The following PRH1 variants were observed in gnomAD, a reference collection of about 807,000 sequenced individuals.
PRH1 encodes proline rich protein HaeIII subfamily 1, also known as salivary acidic proline-rich phosphoprotein 1/2.
PRH1 carries 7 observed loss-of-function variants against 7.9 expected under a neutral mutation model. The ratio of observed to expected loss-of-function variants is 0.89; its 90% confidence interval spans 0.50 to 1.67. PRH1 has a LOEUF of 1.67. PRH1 is among the 40% of genes most tolerant of loss of function. The pLI is 0.00. For synonymous variants in PRH1, 45 were observed against 80.8 expected, an observed-to-expected ratio of 0.56 and a Z score of 2.38; for missense variants, 109 against 223.6, an observed-to-expected ratio of 0.49 and a Z score of 3.27.
chr12:10,954,176 C>T (rs1937834277), intron 2 of PRH1, among the ~76,000 whole-genome samples: 1 of 152,086 alleles, frequency 6.6e-6, no homozygotes, highest in African/African-American at 2.4e-5. Context: ...GGCCATAGAC[C>T]AGTATACTAT....
Position 11,112,247 on chromosome 12 carries a change from T to C in PRH1, n.123+59175A>G, listed in dbSNP as rs565100656. On this transcript the variant is annotated intron_variant and non_coding_transcript_variant, in intron 1 of 4. Coordinates refer to the PRH1 transcript ENST00000541977. Reference sequence around the variant, plus strand: ...GTACAAAGAGGAGATGGTACCATTCTTTCTGAAACTATTCAAAACACTGGA... The same window carrying C: ...GTACAAAGAGGAGATGGTACCATTCCTTCTGAAACTATTCAAAACACTGGA... 3.3e-5 allele frequency among the ~76,000 whole-genome samples: 5 copies of C among 152,254 alleles called. No individual in the cohort carries two copies. In the East Asian group the frequency reaches 5.8e-4, roughly 18 times the overall value.
upstream of PRH1, among the ~76,000 whole-genome samples, chr12:10,886,470 G>A (rs969681796): frequency 2.0e-5 from 3 of 152,156 alleles, no homozygotes; most frequent in African/African-American, 7.2e-5. Context: ...AGAGACTAGT[G>A]TATCAGGAAA....
chr12:11,031,748 C>A (rs77847958), intron 1 of PRH1, among the ~76,000 whole-genome samples: 1 of 152,044 alleles, frequency 6.6e-6, no homozygotes, highest in Non-Finnish European at 1.5e-5. Context: ...AGCTACAGAG[C>A]GCTGATTGCT....
At position 11,073,312 on chromosome 12, in the gene PRH1, A is replaced by G. The variant is rs797000815; in HGVS notation, n.124-26124T>C. 2.4e-4 allele frequency among the ~76,000 whole-genome samples: 21 copies of G among 87,456 alleles called. 2 individuals carry two copies. The highest frequency in any genetic ancestry group is 7.5e-4 in the African/African-American group (20 of 26,536). The allele number at this position is 87,456 out of a possible 152,430, so 57.4% of individuals were successfully genotyped here. A position where few individuals can be genotyped will look rare whatever the true frequency, so the allele number is the denominator to read the frequency against. On this transcript the variant is annotated intron_variant and non_coding_transcript_variant, in intron 1 of 4. Coordinates refer to the PRH1 transcript ENST00000541977. ...ATGCCTGGCAATTTTTTTTTTTTTT[A>G]AAGTAGAGACCTGGTTTCACCATGT...
intron 1 of PRH1, among the ~76,000 whole-genome samples, chr12:10,991,366 A>T (rs1939923230): frequency 6.6e-6 from 1 of 152,064 alleles, no homozygotes; most frequent in South Asian, 2.1e-4. Flanking sequence ...TACTTATATC[A>T]TTTTTTTCTA....
chr12:11,139,620 T>C (rs1565695590), intron 1 of PRH1, among the ~76,000 whole-genome samples: 1 of 152,240 alleles, frequency 6.6e-6, no homozygotes, highest in Non-Finnish European at 1.5e-5. Flanking sequence ...GTCTTCTTTG[T>C]TAATTTTGAT....
chr12:10,954,587 C>A (rs950113110), intron 2 of PRH1, among the ~76,000 whole-genome samples: 6 of 152,204 alleles, frequency 3.9e-5, no homozygotes, highest in African/African-American at 1.4e-4. Context: ...CCCAACTCAG[C>A]CTTGCAAGTA....
intron 2 of PRH1, among the ~76,000 whole-genome samples, chr12:10,965,599 G>A (rs946220081): frequency 1.3e-5 from 2 of 152,206 alleles, no homozygotes; most frequent in Non-Finnish European, 2.9e-5. Flanking sequence ...TTCATTCAAT[G>A]TCTGTTCTTG....
intron 2 of PRH1, among the ~76,000 whole-genome samples, chr12:10,934,887 CTTA>C (rs1442579029): frequency 1.3e-5 from 2 of 152,076 alleles, no homozygotes; most frequent in African/African-American, 4.8e-5. Flanking sequence ...TCACAATTTG[CTTA>C]TTAATTTTAA....
chr12:10,988,202 T>A (rs138673296), intron 1 of PRH1, among the ~76,000 whole-genome samples: 177 of 152,218 alleles, frequency 1.2e-3, no homozygotes, highest in African/African-American at 4.0e-3. Flanking sequence ...TCCAAAGATA[T>A]ATGAGATAAA....
chr12:11,171,321 C>T, intron 1 of PRH1: 2 of 1,217,566 alleles, frequency 1.6e-6, no homozygotes, highest in Middle Eastern at 3.1e-4. Flanking sequence ...CGGCAACCCT[C>T]GCTACAGACG....
chr12:11,161,082 C>T (rs1469076827), intron 1 of PRH1, among the ~76,000 whole-genome samples: 3 of 152,092 alleles, frequency 2.0e-5, no homozygotes, highest in African/African-American at 7.2e-5. Flanking sequence ...TACTTCCAGG[C>T]CCGTCCCATA....
At chr12:11,084,388 C>A (rs79923550) in intron 1 of PRH1, among the ~76,000 whole-genome samples, 25 of 144,796 alleles carry the variant, frequency 1.7e-4, no homozygotes, top group Non-Finnish European at 2.1e-4. Flanking sequence ...CACTGATGGA[C>A]ATTTGATAGA....
intron 1 of PRH1, among the ~76,000 whole-genome samples, chr12:11,161,457 A>G (rs892530850): frequency 1.3e-5 from 2 of 152,186 alleles, no homozygotes; most frequent in Non-Finnish European, 2.9e-5. Flanking sequence ...AAACTTTTTA[A>G]AAACATTATA....
At chr12:11,038,966 T>C (rs1439725516) in intron 1 of PRH1, among the ~76,000 whole-genome samples, 1 of 152,250 alleles carries the variant, frequency 6.6e-6, no homozygotes, top group Non-Finnish European at 1.5e-5. Context: ...ATACTGGAGA[T>C]ATTTCCTTTA....
intron 1 of PRH1, among the ~76,000 whole-genome samples, chr12:11,144,691 G>A (rs1357463746): frequency 1.3e-5 from 2 of 152,144 alleles, no homozygotes; most frequent in African/African-American, 2.4e-5. Context: ...CTGCTCCTCT[G>A]GCCACCCTCC....
At chr12:11,039,932 A>G (rs1011309234) in intron 1 of PRH1, among the ~76,000 whole-genome samples, 2 of 133,620 alleles carry the variant, frequency 1.5e-5, no homozygotes, top group Non-Finnish European at 3.3e-5. Context: ...AGGTAGAAAT[A>G]GCCCTGCTTT....
At chr12:10,975,511 A>G (rs1040823613) in intron 1 of PRH1, among the ~76,000 whole-genome samples, 20 of 152,154 alleles carry the variant, frequency 1.3e-4, no homozygotes, top group Non-Finnish European at 2.2e-4. Flanking sequence ...TAACCACACA[A>G]CCCAATCTGC....
At chr12:11,071,041 G>A (rs1415408582) in intron 1 of PRH1, among the ~76,000 whole-genome samples, 1 of 150,274 alleles carries the variant, frequency 6.7e-6, no homozygotes, top group African/African-American at 2.5e-5. Context: ...ATCCTGCTTA[G>A]CCATTCATAA....
Sources: allele counts gnomAD v4.1 joint callset (sites outside exome capture counted in the v4.1 genomes callset), GRCh38; gene constraint gnomAD v4.1.1; transcripts MANE v1.5; gene names NCBI Gene and HGNC (gene_info 2026-07-23, HGNC 2026-07-21).